SPATA17: variants seen among roughly 807,000 people sequenced by gnomAD.
The protein encoded by SPATA17 is spermatogenesis-associated protein 17.
Under a neutral mutation model 62.2 loss-of-function variants are expected in SPATA17, and 53 were observed. The observed-to-expected ratio is 0.85, with a 90% CI of 0.68 to 1.07. The LOEUF (loss-of-function observed/expected upper bound fraction) is 1.07, where lower values mean the gene tolerates loss of function less well. SPATA17 is among the 50% of genes least tolerant of loss of function. The pLI is 0.00. For missense variants in SPATA17, 466 were observed against 425.5 expected (o/e 1.10, Z -0.84); for synonymous variants, 146 against 146.8 (o/e 0.99, Z 0.04).
chr1:217,678,784 T>C (rs976669773), intron 4 of SPATA17, among the ~76,000 whole-genome samples: 10 of 152,228 alleles, frequency 6.6e-5, no homozygotes, highest in African/African-American at 2.4e-4. Flanking sequence ...GTTAACAAGC[T>C]GTAATCTGCT....
At chr1:217,727,285 A>ATAATAATAATAATAC (rs200289654) in intron 5 of SPATA17, among the ~76,000 whole-genome samples, 44 of 146,692 alleles carry the variant, frequency 3.0e-4, no homozygotes, top group South Asian at 1.3e-3. Flanking sequence ...AATAATAATA[A>ATAATAATAATAATAC]TAACAACAAA....
At chr1:217,699,388 T>C (rs531154654) in intron 5 of SPATA17, among the ~76,000 whole-genome samples, 1 of 152,298 alleles carries the variant, frequency 6.6e-6, no homozygotes, top group South Asian at 2.1e-4. Context: ...TGTTTAAAAA[T>C]TTTAGCCACT....
At chr1:217,656,578 G>GTATT (rs563507293) in intron 3 of SPATA17, among the ~76,000 whole-genome samples, 1,801 of 150,970 alleles carry the variant, frequency 0.012, 26 homozygotes, top group African/African-American at 0.034. Context: ...ATGTATGTAT[G>GTATT]TATTTATTTA....
chr1:217,799,711 C>A (rs1003848151), intron 8 of SPATA17, among the ~76,000 whole-genome samples: 2 of 151,678 alleles, frequency 1.3e-5, no homozygotes, highest in Non-Finnish European at 2.9e-5. Context: ...TGAAAGAATT[C>A]TACTTTTTCT....
At chr1:217,684,422 A>C (rs535695850) in intron 5 of SPATA17, among the ~76,000 whole-genome samples, 1 of 149,562 alleles carries the variant, frequency 6.7e-6, no homozygotes, top group East Asian at 1.9e-4. Context: ...TTACTCTTTT[A>C]TTTTTTTTTT....
chr1:217,829,149 A>G (rs911662414), intron 9 of SPATA17, among the ~76,000 whole-genome samples: 1 of 152,182 alleles, frequency 6.6e-6, no homozygotes, highest in African/African-American at 2.4e-5. Flanking sequence ...TTCTACATTC[A>G]TTGCAGCATT....
Position 217,744,384 on chromosome 1 carries a change from A to G in SPATA17, c.519+2286A>G, listed in dbSNP as rs1040817353. On this transcript the variant is annotated intron_variant, in intron 6 of 10. Transcript: ENST00000366933. ...AGGCTGAGGCAGGAGAATGGCGTGAACCCGGGAGGCGGAGCTTGCAGTGAG... is the reference window on the plus strand; with the variant it reads ...AGGCTGAGGCAGGAGAATGGCGTGAGCCCGGGAGGCGGAGCTTGCAGTGAG... Among the ~76,000 whole-genome samples, 131 of 49,278 alleles carry G rather than the reference A, an allele frequency of 2.7e-3. 13 individuals carry two copies. The highest frequency in any genetic ancestry group is 6.3e-3 in the African/African-American group (128 of 20,230). The allele number at this position is 49,278 out of a possible 152,430, so 32.3% of individuals were successfully genotyped here.
At chr1:217,773,352 T>C (rs1033692345) in intron 6 of SPATA17, among the ~76,000 whole-genome samples, 3 of 152,150 alleles carry the variant, frequency 2.0e-5, no homozygotes, top group Admixed American at 1.3e-4. Flanking sequence ...ATAAGTCATA[T>C]TGCCCTTTAA....
At chr1:217,786,064 A>G (rs139909687) in intron 8 of SPATA17, among the ~76,000 whole-genome samples, 76 of 152,288 alleles carry the variant, frequency 5.0e-4, no homozygotes, top group African/African-American at 1.8e-3. Flanking sequence ...TCATCTAGAT[A>G]TTGTGAGAAA....
intron 9 of SPATA17, among the ~76,000 whole-genome samples, chr1:217,815,074 A>G (rs1674679133): frequency 6.6e-6 from 1 of 152,152 alleles, no homozygotes; most frequent in Admixed American, 6.6e-5. Context: ...GAGCCAAGAT[A>G]TCAGTGTGAA....
intron 5 of SPATA17, among the ~76,000 whole-genome samples, chr1:217,710,672 A>C (rs961932457): frequency 2.6e-5 from 4 of 152,200 alleles, no homozygotes; most frequent in Non-Finnish European, 4.4e-5. Flanking sequence ...TTATTATAAC[A>C]GCTTTTTTGA....
intron 8 of SPATA17, among the ~76,000 whole-genome samples, chr1:217,787,992 T>C (rs1558051354): frequency 6.6e-6 from 1 of 152,152 alleles, no homozygotes; most frequent in Non-Finnish European, 1.5e-5. Flanking sequence ...TGAAAGTTGC[T>C]TAGATGAAAT....
intron 4 of SPATA17, among the ~76,000 whole-genome samples, chr1:217,681,328 C>A (rs1347515005): frequency 6.6e-6 from 1 of 152,086 alleles, no homozygotes; most frequent in Non-Finnish European, 1.5e-5. Flanking sequence ...TAGTAATTCT[C>A]ATATGGGGAG....
At chr1:217,789,311 T>C (rs1318136734) in intron 8 of SPATA17, among the ~76,000 whole-genome samples, 1 of 152,218 alleles carries the variant, frequency 6.6e-6, no homozygotes, top group East Asian at 1.9e-4. Flanking sequence ...AACTAATAGC[T>C]ATGAATCTAA....
intron 6 of SPATA17, among the ~76,000 whole-genome samples, chr1:217,747,304 A>C (rs1022898409): frequency 6.6e-6 from 1 of 152,158 alleles, no homozygotes. Context: ...TTTTATTCCA[A>C]ATAAACTGAC....
At chr1:217,765,940 T>G (rs1673290068) in intron 6 of SPATA17, among the ~76,000 whole-genome samples, 6 of 152,052 alleles carry the variant, frequency 3.9e-5, no homozygotes, top group Admixed American at 3.9e-4. Flanking sequence ...TTTTCCTTAC[T>G]TTTAAGTCTG....
rs535784039 is a variant in SPATA17, at chr1:217,651,081, A to AT, written c.159-8dup. 313 of 1,565,976 alleles carry AT rather than the reference A, an allele frequency of 2.0e-4. 1 individual carries two copies. In the African/African-American group the frequency reaches 2.4e-3, roughly 12 times the overall value. On this transcript the variant is annotated splice_polypyrimidine_tract_variant and intron_variant, in intron 2 of 10. Coordinates refer to ENST00000366933, the MANE Select transcript of SPATA17 (RefSeq NM_138796.4). ...TCAATGAAAGGATACTAATAAGCAT[A>AT]TTTTTTTTATCCTAGGCATTTAAAC...
chr1:217,714,523 T>C (rs1338547063), intron 5 of SPATA17, among the ~76,000 whole-genome samples: 1 of 131,032 alleles, frequency 7.6e-6, no homozygotes, highest in Non-Finnish European at 1.6e-5. Context: ...CTTGCTCTGT[T>C]GCCCAGGCTG....
At chr1:217,700,186 T>C (rs1479953551) in intron 5 of SPATA17, among the ~76,000 whole-genome samples, 1 of 152,208 alleles carries the variant, frequency 6.6e-6, no homozygotes, top group East Asian at 1.9e-4. Context: ...AGGTTATATA[T>C]GTCTACAAAA....
Sources: gnomAD v4.1 joint callset for allele counts (sites outside exome capture counted in the v4.1 genomes callset) on GRCh38, gnomAD v4.1.1 for gene constraint, MANE v1.5 for transcripts, NCBI Gene and HGNC (gene_info 2026-07-23, HGNC 2026-07-21) for gene names.